TSPAN5: variants seen among roughly 807,000 people sequenced by gnomAD.
TSPAN5 encodes the protein tetraspanin-5.
TSPAN5 carries 10 observed loss-of-function variants against 37.1 expected under a neutral mutation model. The ratio of observed to expected loss-of-function variants is 0.27; its 90% CI spans 0.17 to 0.46. The LOEUF is 0.46. TSPAN5 is among the 20% of genes least tolerant of loss of function. The pLI, the probability that TSPAN5 is intolerant of heterozygous loss-of-function variation, is 1.00. For missense variants in TSPAN5, 195 were observed against 326.6 expected, an observed-to-expected ratio of 0.60 and a Z score of 3.11; for synonymous variants, 110 against 118.9, an observed-to-expected ratio of 0.93 and a Z score of 0.48.
chr4:98,631,548 C>A (rs967722254), intron 1 of TSPAN5, among the ~76,000 whole-genome samples: 2 of 152,080 alleles, frequency 1.3e-5, no homozygotes, highest in African/African-American at 4.8e-5. Context: ...GTCTTAGATG[C>A]CTGACCCTGC....
intron 1 of TSPAN5, among the ~76,000 whole-genome samples, chr4:98,521,306 C>A (rs1324245549): frequency 6.6e-6 from 1 of 152,180 alleles, no homozygotes; most frequent in East Asian, 1.9e-4. Context: ...TTGAAAGATT[C>A]AGTGTTTCTT....
chr4:98,658,509 G>C lies in TSPAN5; in HGVS notation c.-283C>G. On this transcript the variant is annotated 5_prime_UTR_variant, in exon 1 of 8. Coordinates refer to ENST00000305798, the MANE Select transcript of TSPAN5 (RefSeq NM_005723.4). The stretch of plus-strand genomic sequence containing the variant: ...CGCCGACGCTAGCCCCGAACACAAA[G>C]CGAGCGCCCGCGTCCGTGCGCCAGG... 4.8e-6 allele frequency: 1 copy of C among 210,462 alleles called. No homozygotes were observed. Among genetic ancestry groups the C allele is most frequent in the Non-Finnish European group, 9.4e-6 (1 of 106,898 alleles). The allele number at this position is 210,462 out of a possible 1,614,324, so 13.0% of individuals were successfully genotyped here. A position where few individuals can be genotyped will look rare whatever the true frequency, so the allele number is the denominator to read the frequency against.
chr4:98,549,499 C>T (rs940913869), intron 1 of TSPAN5, among the ~76,000 whole-genome samples: 4 of 151,988 alleles, frequency 2.6e-5, no homozygotes, highest in African/African-American at 7.3e-5. Flanking sequence ...CAGGGTTTCA[C>T]CATATTGGCC....
chr4:98,487,562 G>GTT (rs34043342), intron 2 of TSPAN5, among the ~76,000 whole-genome samples: 6 of 149,888 alleles, frequency 4.0e-5, no homozygotes, highest in Non-Finnish European at 7.4e-5. Flanking sequence ...ACACCTACAA[G>GTT]TTTTTTTTTT....
At chr4:98,647,321 G>A (rs1385647845) in intron 1 of TSPAN5, among the ~76,000 whole-genome samples, 1 of 152,206 alleles carries the variant, frequency 6.6e-6, no homozygotes, top group Non-Finnish European at 1.5e-5. Context: ...AGAATTAAAT[G>A]TTAAGGCTGC....
chr4:98,528,170 G>A (rs1233028884), intron 1 of TSPAN5, among the ~76,000 whole-genome samples: 1 of 152,198 alleles, frequency 6.6e-6, no homozygotes, highest in Non-Finnish European at 1.5e-5. Flanking sequence ...ACAGGATTAT[G>A]CTCTTCTTCA....
chr4:98,600,878 C>T (rs1755867802), intron 1 of TSPAN5, among the ~76,000 whole-genome samples: 1 of 152,194 alleles, frequency 6.6e-6, no homozygotes, highest in Admixed American at 6.5e-5. Context: ...TAGTCTATGG[C>T]AGCATTAGAA....
At chr4:98,556,369 C>T (rs1754751561) in intron 1 of TSPAN5, among the ~76,000 whole-genome samples, 1 of 152,104 alleles carries the variant, frequency 6.6e-6, no homozygotes, top group African/African-American at 2.4e-5. Flanking sequence ...AGCAGAGCTG[C>T]CTATTGAGGA....
chr4:98,575,057 C>A (rs28696298), intron 1 of TSPAN5, among the ~76,000 whole-genome samples: 1 of 152,144 alleles, frequency 6.6e-6, no homozygotes. Context: ...AGAGCCAGCA[C>A]GCTGAGTGGA....
At chr4:98,497,249 G>A (rs566753882) in intron 2 of TSPAN5, among the ~76,000 whole-genome samples, 76 of 151,568 alleles carry the variant, frequency 5.0e-4, no homozygotes, top group Admixed American at 6.6e-4. Flanking sequence ...TCCAGGAGGC[G>A]GAGGTTGCAG....
In TSPAN5 at chr4:98,564,057, G is replaced by GTGA. The variant is rs993239157; in HGVS notation, c.82-56332_82-56330dup. On this transcript the variant is annotated intron_variant, in intron 1 of 7. Coordinates refer to ENST00000305798, the MANE Select transcript of TSPAN5 (RefSeq NM_005723.4). Reference sequence around the variant, plus strand: ...AAGCAGACACACACACAAAAAACGTGTGATGAGACAAAATTAAATGGGAGA... The same window carrying GTGA: ...AAGCAGACACACACACAAAAAACGTGTGATGATGAGACAAAATTAAATGGGAGA... Among the ~76,000 whole-genome samples the GTGA allele has an allele frequency of 4.1e-4, 62 of 152,304 alleles. 1 individual carries two copies. Among genetic ancestry groups the GTGA allele is most frequent in the African/African-American group, 1.4e-3 (60 of 41,554 alleles).
intron 3 of TSPAN5, 96 bp downstream of exon 3, chr4:98,486,642 T>C: frequency 6.9e-7 from 1 of 1,453,682 alleles, no homozygotes; most frequent in Middle Eastern, 1.7e-4. Context: ...CCAGTGCCTT[T>C]GGTACAGCTC....
chr4:98,626,566 A>T (rs574222278), intron 1 of TSPAN5, among the ~76,000 whole-genome samples: 33 of 152,030 alleles, frequency 2.2e-4, no homozygotes, highest in African/African-American at 7.7e-4. Flanking sequence ...TCCAGCCACC[A>T]GACCGCCTCC....
chr4:98,621,790 C>CG (rs1490800045), intron 1 of TSPAN5, among the ~76,000 whole-genome samples: 2 of 151,288 alleles, frequency 1.3e-5, no homozygotes, highest in Non-Finnish European at 2.9e-5. Flanking sequence ...TCATTCCCAC[C>CG]CCCCCCGCAG....
In TSPAN5 at chr4:98,472,463, G is replaced by T; in HGVS notation, c.*59C>A. The T allele has an allele frequency of 6.6e-7, 1 of 1,512,270 alleles. No homozygotes were observed. The highest frequency in any genetic ancestry group is 2.3e-5 in the East Asian group (1 of 44,082). The allele number at this position is 1,512,270 out of a possible 1,614,324, so 93.7% of individuals were successfully genotyped here. A position where few individuals can be genotyped will look rare whatever the true frequency, so the allele number is the denominator to read the frequency against. On this transcript the variant is annotated 3_prime_UTR_variant, in exon 8 of 8. Transcript: ENST00000305798. ...TGCAGCTCGAAGATCAGTTCGGCAC[G>T]CGGGAGGGTCCCGAAAGCTGGGTCT...
rs183420528 is a variant in TSPAN5 at position 98,476,216 on chromosome 4, A to G, written c.714T>C (p.Gly238=). Residue 238 remains glycine, a synonymous_variant, in exon 7 of 8, where the codon GGT becomes GGC. Coordinates refer to ENST00000305798, the MANE Select transcript of TSPAN5 (RefSeq NM_005723.4). ...GCAGCAATGCAATGCCTATGAAAAT[A>G]CCAGCAACGATGGTTAAATTGTCCT... ...WLQDNLTIVA[G]IFIGIALLQI... 7.4e-5 allele frequency: 119 copies of G among 1,614,150 alleles called. 1 individual carries two copies. In the East Asian group the frequency reaches 2.5e-3, roughly 34 times the overall value.
intron 1 of TSPAN5, among the ~76,000 whole-genome samples, chr4:98,614,783 A>G (rs186955623): frequency 6.6e-5 from 10 of 152,304 alleles, no homozygotes; most frequent in African/African-American, 2.4e-4. Flanking sequence ...GACGAATGCC[A>G]TCTTCTTTCA....
chr4:98,623,895 T>C (rs1756534389), intron 1 of TSPAN5, among the ~76,000 whole-genome samples: 1 of 152,200 alleles, frequency 6.6e-6, no homozygotes. Context: ...TTCAATTTTA[T>C]CCATTTACAG....
intron 1 of TSPAN5, among the ~76,000 whole-genome samples, chr4:98,624,072 A>G (rs990797891): frequency 6.6e-6 from 1 of 152,178 alleles, no homozygotes; most frequent in Non-Finnish European, 1.5e-5. Context: ...ATTGAAAAAA[A>G]GTAATAAAAT....
Sources: gnomAD v4.1 joint callset for allele counts (sites outside exome capture counted in the v4.1 genomes callset) on GRCh38, gnomAD v4.1.1 for gene constraint, MANE v1.5 for transcripts, NCBI Gene and HGNC (gene_info 2026-07-23, HGNC 2026-07-21) for gene names.